FAM78B: variants seen among roughly 807,000 people sequenced by gnomAD.
FAM78B encodes family with sequence similarity 78 member B, also known as protein FAM78B.
Under a neutral mutation model 20.0 loss-of-function variants are expected in FAM78B, and 10 were observed. The ratio of observed to expected loss-of-function variants is 0.50; its 90% CI spans 0.31 to 0.85. The LOEUF (loss-of-function observed/expected upper bound fraction) is 0.85. FAM78B is among the 40% of genes least tolerant of loss of function. The pLI, the probability that FAM78B is intolerant of heterozygous loss-of-function variation, is 0.05. For missense variants in FAM78B, 283 were observed against 345.0 expected, an observed-to-expected ratio of 0.82 and a Z score of 1.42; for synonymous variants, 135 against 132.8, an observed-to-expected ratio of 1.02 and a Z score of -0.12.
At chr1:166,134,640 T>C (rs557869453) in intron 1 of FAM78B, among the ~76,000 whole-genome samples, 26 of 152,334 alleles carry the variant, frequency 1.7e-4, no homozygotes, top group African/African-American at 6.3e-4. Flanking sequence ...AATTTAATAA[T>C]ACCTCAGTAG....
chr1:166,122,085 T>C (rs1203647504), intron 1 of FAM78B, among the ~76,000 whole-genome samples: 1 of 152,240 alleles, frequency 6.6e-6, no homozygotes, highest in Non-Finnish European at 1.5e-5. Context: ...ATCTGTCCAG[T>C]AGGTTTGCTG....
In FAM78B at chr1:166,122,759, G is replaced by A. The variant is rs114800449; in HGVS notation, c.263+43227C>T. 6.4e-3 allele frequency among the ~76,000 whole-genome samples: 971 copies of A among 152,304 alleles called. 8 individuals are homozygous for A. Among genetic ancestry groups the A allele is most frequent in the African/African-American group, 0.022 (923 of 41,554 alleles). ...AACAGGATTATTGCGAGAATTCAAT[G>A]AAATAACATGTAAATGTTCTGGTAT... On this transcript the variant is annotated intron_variant, in intron 1 of 1. Transcript: ENST00000354422.
chr1:166,086,938 T>C (rs1237669890), intron 1 of FAM78B: 1 of 151,888 alleles, frequency 6.6e-6, no homozygotes, highest in Non-Finnish European at 1.5e-5. Context: ...TGTGGCTACA[T>C]GCAGTGTGGC....
At chr1:166,108,540 G>A (rs1026363096) in intron 1 of FAM78B, among the ~76,000 whole-genome samples, 4 of 152,092 alleles carry the variant, frequency 2.6e-5, no homozygotes, top group African/African-American at 7.2e-5. Context: ...CACATCCCAC[G>A]CTTATGGATG....
At chr1:166,142,657 T>G (rs546238990) in intron 1 of FAM78B, among the ~76,000 whole-genome samples, 22 of 152,324 alleles carry the variant, frequency 1.4e-4, no homozygotes, top group African/African-American at 4.8e-4. Context: ...TCAACCAAAT[T>G]ATAAGTTCCT....
At chr1:166,075,766 T>C (rs950558511) in intron 1 of FAM78B, among the ~76,000 whole-genome samples, 1 of 152,216 alleles carries the variant, frequency 6.6e-6, no homozygotes, top group African/African-American at 2.4e-5. Context: ...TTTCTATCTA[T>C]TTGCATTTCC....
intron 1 of FAM78B, among the ~76,000 whole-genome samples, chr1:166,158,549 C>T (rs1039723495): frequency 1.3e-5 from 2 of 152,122 alleles, no homozygotes; most frequent in East Asian, 3.9e-4. Flanking sequence ...AGACCTTTCA[C>T]GTGTGTTATT....
downstream of FAM78B, among the ~76,000 whole-genome samples, chr1:166,065,600 C>A (rs1651765090): frequency 6.6e-6 from 1 of 152,158 alleles, no homozygotes; most frequent in Non-Finnish European, 1.5e-5. Context: ...GTGATGGGCT[C>A]TGTCATGGGC....
intron 1 of FAM78B, among the ~76,000 whole-genome samples, chr1:166,141,548 A>G (rs966209347): frequency 6.6e-6 from 1 of 152,260 alleles, no homozygotes; most frequent in Non-Finnish European, 1.5e-5. Context: ...AGCTAGGCCC[A>G]TAATAGGTAC....
At position 166,166,044 on chromosome 1, in the gene FAM78B, C is replaced by T; in HGVS notation, c.205G>A (p.Gly69Ser). 6.2e-7 allele frequency: 1 copy of T among 1,613,974 alleles called. No individual in the cohort carries two copies. The highest frequency in any genetic ancestry group is 8.5e-7 in the Non-Finnish European group (1 of 1,180,002). Residue 69 changes from glycine to serine, a missense_variant, in exon 1 of 2, where the codon GGC becomes AGC. Coordinates refer to ENST00000354422, the MANE Select transcript of FAM78B (RefSeq NM_001017961.5). ...PIPRHETWVV[G>S]WIQACNQMEF... ...ATCTGATTGCACGCCTGAATCCAGC[C>T]CACCACCCAGGTCTCGTGGCGGGGG... is the stretch of plus-strand genomic sequence containing the variant.
chr1:166,109,902 A>ATATG (rs1653978262), intron 1 of FAM78B, among the ~76,000 whole-genome samples: 5 of 93,544 alleles, frequency 5.3e-5, no homozygotes, highest in Non-Finnish European at 9.1e-5. Context: ...ATATATATAT[A>ATATG]TATATATATA....
intron 1 of FAM78B, among the ~76,000 whole-genome samples, chr1:166,112,892 A>G (rs907825529): frequency 1.6e-4 from 24 of 152,238 alleles, no homozygotes; most frequent in Non-Finnish European, 7.3e-5. Context: ...TGCCATAGTC[A>G]TATCACTAAT....
At chr1:166,162,240 A>G (rs1656174210) in intron 1 of FAM78B, among the ~76,000 whole-genome samples, 1 of 152,190 alleles carries the variant, frequency 6.6e-6, no homozygotes, top group Non-Finnish European at 1.5e-5. Context: ...CAGGCAACAG[A>G]GGTGAGCGGG....
In FAM78B at chr1:166,060,407, A is replaced by T. The variant is rs550127281; in HGVS notation, c.*666T>A. 6.2e-5 allele frequency: 24 copies of T among 388,842 alleles called. No homozygotes were observed. In the East Asian group the frequency reaches 1.7e-3, roughly 28 times the overall value. 24.1% of individuals were successfully genotyped at this position (388,842 alleles called of 1,614,324 possible). ...TACAGCAGGCACAACTCTCACTTTA[A>T]CACAGCTCCCCATGGGCCAAGCAGG... On this transcript the variant is annotated 3_prime_UTR_variant and NMD_transcript_variant, in exon 3 of 3. Coordinates refer to the FAM78B transcript ENST00000435676.
At chr1:166,141,659 TGGAGGTGATG>T (rs1655280652) in intron 1 of FAM78B, among the ~76,000 whole-genome samples, 1 of 152,178 alleles carries the variant, frequency 6.6e-6, no homozygotes, top group South Asian at 2.1e-4. Flanking sequence ...TATTCCAGCT[TGGAGGTGATG>T]GGAGGTACGT....
downstream of FAM78B, among the ~76,000 whole-genome samples, chr1:166,056,912 G>A (rs1227371721): frequency 6.6e-6 from 1 of 152,174 alleles, no homozygotes; most frequent in Non-Finnish European, 1.5e-5. Context: ...GCTTTTGGGA[G>A]GTGATTAGGT....
At chr1:166,164,579 TAAGC>T (rs1656284899) in intron 1 of FAM78B, among the ~76,000 whole-genome samples, 1 of 152,234 alleles carries the variant, frequency 6.6e-6, no homozygotes, top group East Asian at 1.9e-4. Flanking sequence ...TCTCAAGGAT[TAAGC>T]TTTTGTGCTT....
At chr1:166,131,558 G>A (rs1654879150) in intron 1 of FAM78B, among the ~76,000 whole-genome samples, 2 of 152,156 alleles carry the variant, frequency 1.3e-5, no homozygotes, top group African/African-American at 2.4e-5. Context: ...TTCCTGGTAC[G>A]TGTGTCTGTG....
chr1:166,096,658 G>A (rs1402030897), intron 1 of FAM78B, among the ~76,000 whole-genome samples: 2 of 152,194 alleles, frequency 1.3e-5, no homozygotes, highest in Non-Finnish European at 2.9e-5. Context: ...CTGATGTAGT[G>A]AGAGAGGCCT....
Sources: allele counts gnomAD v4.1 joint callset (sites outside exome capture counted in the v4.1 genomes callset), GRCh38; gene constraint gnomAD v4.1.1; transcripts MANE v1.5; gene names NCBI Gene and HGNC (gene_info 2026-07-23, HGNC 2026-07-21).